The following PCDHA3 variants were observed in gnomAD, a reference collection of about 807,000 sequenced individuals.
PCDHA3 encodes the protein protocadherin alpha-3.
PCDHA3 carries 41 observed loss-of-function variants against 62.2 expected under a neutral mutation model. The ratio of observed to expected loss-of-function variants is 0.66; its 90% CI spans 0.51 to 0.86. The LOEUF (loss-of-function observed/expected upper bound fraction) is 0.86, where lower values mean the gene tolerates loss of function less well. Among genes scored for constraint, PCDHA3 ranks in the 40% least tolerant of loss-of-function variants. PCDHA3 has a pLI of 0.00. For synonymous variants in PCDHA3, 640 were observed against 555.4 expected, an observed-to-expected ratio of 1.15 and a Z score of -2.14; for missense variants, 1,304 against 1,241.2, an observed-to-expected ratio of 1.05 and a Z score of -0.76.
chr5:140,968,422 G>C, intron 1 of PCDHA3: 2 of 1,613,984 alleles, frequency 1.2e-6, no homozygotes, highest in Non-Finnish European at 1.7e-6. Context: ...TGGAGGCTCA[G>C]GACAAGGGGA....
At chr5:141,002,456 A>G (rs2098081347) in intron 3 of PCDHA3, among the ~76,000 whole-genome samples, 1 of 152,242 alleles carries the variant, frequency 6.6e-6, no homozygotes, top group Non-Finnish European at 1.5e-5. Context: ...GCACATTTGT[A>G]TAACGCTTTA....
intron 1 of PCDHA3, among the ~76,000 whole-genome samples, chr5:140,921,599 G>A (rs2080288942): frequency 6.6e-6 from 1 of 152,036 alleles, no homozygotes; most frequent in African/African-American, 2.4e-5. Flanking sequence ...GGTTTCAAAG[G>A]TAATAAGAAA....
chr5:140,977,925 A>T (rs782072280), intron 1 of PCDHA3, among the ~76,000 whole-genome samples: 4 of 152,152 alleles, frequency 2.6e-5, no homozygotes, highest in African/African-American at 7.2e-5. Context: ...TTTTCATTCA[A>T]CTATACCTCA....
chr5:140,804,882 C>G (rs1554123162), intron 1 of PCDHA3: 33 of 589,132 alleles, frequency 5.6e-5, no homozygotes, highest in Non-Finnish European at 5.7e-5. Context: ...TTCTTGACTC[C>G]TCTCCTTCCC....
At chr5:140,889,339 G>A (rs1554183871) in intron 1 of PCDHA3, among the ~76,000 whole-genome samples, 1 of 151,948 alleles carries the variant, frequency 6.6e-6, no homozygotes, top group Admixed American at 6.6e-5. Flanking sequence ...TTTGATTGGT[G>A]GGAATATTTC....
intron 1 of PCDHA3, chr5:140,928,905 G>T: frequency 6.2e-7 from 1 of 1,614,138 alleles, no homozygotes; most frequent in South Asian, 1.1e-5. Flanking sequence ...AAGATGTCTG[G>T]GAACCAGGAG....
intron 1 of PCDHA3, among the ~76,000 whole-genome samples, chr5:140,909,996 T>C (rs549464312): frequency 1.3e-5 from 2 of 152,192 alleles, no homozygotes; most frequent in African/African-American, 4.8e-5. Context: ...ACAGCATAAA[T>C]TGTTGTCAGT....
chr5:140,930,375 C>T (rs2086761522), intron 1 of PCDHA3: 1 of 151,734 alleles, frequency 6.6e-6, no homozygotes, highest in Non-Finnish European at 1.5e-5. Flanking sequence ...GTTAGTGGCC[C>T]TTGGCATTTC....
chr5:140,853,707 C>A, intron 1 of PCDHA3: 2 of 988,182 alleles, frequency 2.0e-6, no homozygotes, highest in Non-Finnish European at 2.4e-6. Context: ...AACGCATTAG[C>A]ATTAGCAGCA....
Position 140,801,814 on chromosome 5 carries a change from C to T in PCDHA3, c.617C>T (p.Pro206Leu), listed in dbSNP as rs1163331311. 6.2e-7 allele frequency: 1 copy of T among 1,614,122 alleles called. No individual in the cohort carries two copies. Among genetic ancestry groups the T allele is most frequent in the African/African-American group, 1.3e-5 (1 of 75,042 alleles). ...LKKNLNREDT[P>L]KHYLLITAID... ...AAAAATTTAAATCGAGAGGACACTC[C>T]TAAGCATTATTTACTAATAACAGCA... The change falls in exon 1 of 4, where the codon CCT (proline) becomes CTT (leucine). Residue 206 changes from proline (P) to leucine (L), a missense_variant. Physicochemically the swap from Pro to Leu is moderately conservative, Grantham distance 98. Coordinates refer to ENST00000522353, the MANE Select transcript of PCDHA3 (RefSeq NM_018906.3).
intron 1 of PCDHA3, among the ~76,000 whole-genome samples, chr5:140,904,681 A>G (rs1562946233): frequency 6.6e-6 from 1 of 152,192 alleles, no homozygotes; most frequent in South Asian, 2.1e-4. Context: ...CATTCCCACC[A>G]GCAGTGTAAA....
chr5:140,889,259 G>C (rs371831027), intron 1 of PCDHA3, among the ~76,000 whole-genome samples: 37 of 151,916 alleles, frequency 2.4e-4, no homozygotes, highest in African/African-American at 6.7e-4. Context: ...TCCTGTAAAA[G>C]TTTGTATAAT....
intron 1 of PCDHA3, chr5:140,829,639 G>A (rs1431556203): frequency 6.2e-7 from 1 of 1,612,256 alleles, no homozygotes; most frequent in African/African-American, 1.3e-5. Flanking sequence ...AGAGCGGCAA[G>A]GTGTACGCGC....
At chr5:140,869,083 T>C in intron 1 of PCDHA3, 1 of 1,582,990 alleles carries the variant, frequency 6.3e-7, no homozygotes, top group Non-Finnish European at 8.6e-7. Flanking sequence ...AAGCTTATTT[T>C]GGAAGCCAAT....
chr5:140,843,324 C>G lies in PCDHA3; in HGVS notation c.2394+39733C>G, dbSNP rs1251515111. On this transcript the variant is annotated intron_variant, in intron 1 of 3. Coordinates refer to ENST00000522353, the MANE Select transcript of PCDHA3 (RefSeq NM_018906.3). ...ACCGCCACGGCCACGGTTCTGGTGT[C>G]GCTGGTGGAGAGCGGCCAGGCTCCA... is the stretch of plus-strand genomic sequence containing the variant. 5.6e-6 allele frequency: 9 copies of G among 1,595,896 alleles called. 3 individuals carry two copies. The highest frequency in any genetic ancestry group is 3.4e-5 in the Admixed American group (2 of 59,276).
At chr5:140,874,401 A>G (rs2054889687) in intron 1 of PCDHA3, among the ~76,000 whole-genome samples, 1 of 152,218 alleles carries the variant, frequency 6.6e-6, no homozygotes, top group African/African-American at 2.4e-5. Context: ...CTTGCATAAC[A>G]GTCACCATTC....
At chr5:140,892,349 T>C (rs1266203354) in intron 1 of PCDHA3, among the ~76,000 whole-genome samples, 2 of 152,248 alleles carry the variant, frequency 1.3e-5, no homozygotes, top group Admixed American at 6.5e-5. Context: ...TAATTGACTT[T>C]TGCCAGGCAT....
At chr5:140,992,201 CAG>C (rs1587495213) in intron 3 of PCDHA3, among the ~76,000 whole-genome samples, 1 of 152,256 alleles carries the variant, frequency 6.6e-6, no homozygotes, top group East Asian at 1.9e-4. Context: ...TCTATCCAAT[CAG>C]ATAAACTACT....
intron 1 of PCDHA3, among the ~76,000 whole-genome samples, chr5:140,970,926 G>A (rs1179837731): frequency 6.6e-6 from 1 of 152,154 alleles, no homozygotes; most frequent in Non-Finnish European, 1.5e-5. Flanking sequence ...AGAAGTGCCT[G>A]GTGTTAGTCA....
Sources: allele counts gnomAD v4.1 joint callset (sites outside exome capture counted in the v4.1 genomes callset), GRCh38; gene constraint gnomAD v4.1.1; transcripts MANE v1.5; gene names NCBI Gene and HGNC (gene_info 2026-07-23, HGNC 2026-07-21).